PACRG: variants seen among roughly 807,000 people sequenced by gnomAD.
PACRG encodes parkin coregulated.
PACRG carries 29 observed loss-of-function variants against 29.7 expected under a neutral mutation model. The ratio of observed to expected loss-of-function variants is 0.98; its 90% CI spans 0.73 to 1.33. The LOEUF (loss-of-function observed/expected upper bound fraction) is 1.33, where lower values mean the gene tolerates loss of function less well. PACRG is among the 40% of genes most tolerant of loss of function. PACRG has a pLI of 0.00. For synonymous variants in PACRG, 116 were observed against 118.7 expected, an observed-to-expected ratio of 0.98 and a Z score of 0.15; for missense variants, 279 against 316.2, an observed-to-expected ratio of 0.88 and a Z score of 0.89.
At chr6:162,837,837 A>C (rs1405709371) in intron 2 of PACRG, among the ~76,000 whole-genome samples, 7 of 152,200 alleles carry the variant, frequency 4.6e-5, no homozygotes, top group Non-Finnish European at 1.0e-4. Context: ...GGCATCTGGA[A>C]ACAGGATTAA....
At chr6:163,143,712 CT>C (rs1044978469) in intron 4 of PACRG, among the ~76,000 whole-genome samples, 1 of 152,130 alleles carries the variant, frequency 6.6e-6, no homozygotes, top group East Asian at 1.9e-4. Flanking sequence ...CCATGTGTGG[CT>C]GAGAAATCAA....
chr6:162,740,316 CT>C (rs71008106), intron 1 of PACRG, among the ~76,000 whole-genome samples: 91 of 146,274 alleles, frequency 6.2e-4, no homozygotes, highest in Admixed American at 7.5e-4. Context: ...TATCAATCAT[CT>C]TTTTTTTTTT....
chr6:162,776,269 A>G (rs1783634799), intron 1 of PACRG, among the ~76,000 whole-genome samples: 1 of 152,214 alleles, frequency 6.6e-6, no homozygotes, highest in African/African-American at 2.4e-5. Context: ...CTTGCTTTTT[A>G]CTATTGACAG....
chr6:162,876,771 T>C (rs1382685874), intron 2 of PACRG, among the ~76,000 whole-genome samples: 9 of 152,254 alleles, frequency 5.9e-5, no homozygotes, highest in Non-Finnish European at 1.3e-4. Context: ...GTTTTAGTCA[T>C]GAAGTCTTTG....
intron 2 of PACRG, among the ~76,000 whole-genome samples, chr6:163,048,461 G>T (rs924032385): frequency 2.6e-5 from 4 of 152,058 alleles, no homozygotes; most frequent in Admixed American, 6.6e-5. Flanking sequence ...GGCCTATTTG[G>T]CCATCATTCA....
intron 4 of PACRG, among the ~76,000 whole-genome samples, chr6:163,299,420 C>T (rs1221976335): frequency 6.6e-6 from 1 of 152,186 alleles, no homozygotes; most frequent in Non-Finnish European, 1.5e-5. Flanking sequence ...GACCTGCCCG[C>T]CCTGCCCTGC....
intron 1 of PACRG, among the ~76,000 whole-genome samples, chr6:162,782,697 G>C (rs1784183745): frequency 1.3e-5 from 2 of 151,744 alleles, no homozygotes; most frequent in South Asian, 4.1e-4. Context: ...TTACCTAAAG[G>C]AGATTTCAGA....
Position 163,098,419 on chromosome 6 carries a change from G to A in PACRG, c.613+9011G>A, listed in dbSNP as rs767371308. 6.6e-5 allele frequency among the ~76,000 whole-genome samples: 10 copies of A among 152,188 alleles called. No individual in the cohort carries two copies. The East Asian group carries it at 1.4e-3, about 21-fold the overall frequency. ...CCTTTCAGTAACCTCCCCTGACTCCGCCCCCACTAGCAGAACAGAGGGCTC... is the reference window on the plus strand; with the variant it reads ...CCTTTCAGTAACCTCCCCTGACTCCACCCCCACTAGCAGAACAGAGGGCTC... On this transcript the variant is annotated intron_variant, in intron 4 of 4. Transcript: ENST00000366888.
chr6:162,903,030 AT>A (rs1281283205), intron 2 of PACRG, among the ~76,000 whole-genome samples: 3 of 152,194 alleles, frequency 2.0e-5, no homozygotes, highest in African/African-American at 7.2e-5. Flanking sequence ...AGATTGAACT[AT>A]GTCTGGGTTT....
At chr6:162,754,166 A>T (rs1781722083) in intron 1 of PACRG, among the ~76,000 whole-genome samples, 2 of 152,096 alleles carry the variant, frequency 1.3e-5, no homozygotes, top group South Asian at 4.1e-4. Context: ...TCATTTTTTG[A>T]TACAAGCCAT....
chr6:163,148,992 T>G (rs1777948000), intron 4 of PACRG, among the ~76,000 whole-genome samples: 3 of 94,846 alleles, frequency 3.2e-5, no homozygotes, highest in South Asian at 4.0e-4. Flanking sequence ...TGGAAAAATG[T>G]CCCTGACGTC....
chr6:163,305,197 G>T (rs11759691), intron 4 of PACRG, among the ~76,000 whole-genome samples: 32,518 of 152,194 alleles, frequency 0.21, 4,613 homozygotes, highest in African/African-American at 0.4. Flanking sequence ...TTGGAGAACT[G>T]CAAGAACCCT....
intron 2 of PACRG, among the ~76,000 whole-genome samples, chr6:163,008,816 C>T (rs1048779507): frequency 6.6e-6 from 1 of 151,848 alleles, no homozygotes; most frequent in Non-Finnish European, 1.5e-5. Flanking sequence ...CCATACATGT[C>T]ATGTCCTGAG....
intron 2 of PACRG, among the ~76,000 whole-genome samples, chr6:162,872,158 T>C (rs192446635): frequency 1.3e-5 from 2 of 152,252 alleles, no homozygotes; most frequent in African/African-American, 4.8e-5. Flanking sequence ...ACCACAGTCA[T>C]GAGAGATTTT....
chr6:162,746,900 C>T (rs1781030481), intron 1 of PACRG, among the ~76,000 whole-genome samples: 1 of 152,152 alleles, frequency 6.6e-6, no homozygotes, highest in South Asian at 2.1e-4. Flanking sequence ...TCACACTTGG[C>T]CTTCTTATTT....
intron 4 of PACRG, chr6:163,191,847 C>T: frequency 4.6e-6 from 2 of 436,506 alleles, no homozygotes; most frequent in Non-Finnish European, 9.3e-6. Flanking sequence ...GAGTCCCTCC[C>T]AATGAAAGCC....
At chr6:162,730,944 T>C (rs1779719962) in intron 1 of PACRG, among the ~76,000 whole-genome samples, 1 of 152,190 alleles carries the variant, frequency 6.6e-6, no homozygotes, top group South Asian at 2.1e-4. Context: ...CAGTATTTTG[T>C]TGTCTTTATC....
chr6:163,314,992 G>A lies in PACRG; in HGVS notation c.*5G>A. On this transcript the variant is annotated 3_prime_UTR_variant, in exon 5 of 5. Coordinates refer to ENST00000366888, the MANE Select transcript of PACRG (RefSeq NM_001080379.2). ...GAGTCTTGCTTGCTAAACTAACAGT[G>A]GCAGCAGCTGGGACTTGAAACCTCC... 2 of 1,612,134 alleles carry A rather than the reference G, an allele frequency of 1.2e-6. No homozygotes were observed. Among genetic ancestry groups the A allele is most frequent in the South Asian group, 1.1e-5 (1 of 90,844 alleles).
chr6:162,943,183 A>G (rs1289432230), intron 2 of PACRG, among the ~76,000 whole-genome samples: 2 of 152,182 alleles, frequency 1.3e-5, no homozygotes, highest in Non-Finnish European at 2.9e-5. Flanking sequence ...ACACACCCTT[A>G]TGTCTTAAGT....
Sources: allele counts gnomAD v4.1 joint callset (sites outside exome capture counted in the v4.1 genomes callset), GRCh38; gene constraint gnomAD v4.1.1; transcripts MANE v1.5; gene names NCBI Gene and HGNC (gene_info 2026-07-23, HGNC 2026-07-21).